RBFOX1: variants seen among roughly 807,000 people sequenced by gnomAD.
RBFOX1 encodes RNA binding fox-1 homolog 1, also known as RNA binding protein fox-1 homolog 1.
RBFOX1 carries 8 observed loss-of-function variants against 57.7 expected under a neutral mutation model. The ratio of observed to expected loss-of-function variants is 0.14; its 90% CI spans 0.08 to 0.25. The LOEUF is 0.25. Ranked by LOEUF, RBFOX1 falls within the 10% of genes least tolerant of loss-of-function variation. RBFOX1 has a pLI of 1.00. For synonymous variants in RBFOX1, 326 were observed against 222.4 expected (o/e 1.47, Z -4.15); for missense variants, 611 against 548.5 (o/e 1.11, Z -1.14).
intron 2 of RBFOX1, among the ~76,000 whole-genome samples, chr16:6,617,048 C>G (rs1404575339): frequency 6.6e-6 from 1 of 152,138 alleles, no homozygotes; most frequent in Non-Finnish European, 1.5e-5. Context: ...TACCGGTATA[C>G]AGTGTTGATC....
At chr16:5,498,237 C>G (rs753798022) in intron 2 of RBFOX1, among the ~76,000 whole-genome samples, 7 of 152,144 alleles carry the variant, frequency 4.6e-5, no homozygotes, top group African/African-American at 7.2e-5. Flanking sequence ...CTGCTTCCCA[C>G]GTTCAAGCAG....
chr16:6,500,875 A>AGTTTTTTTTTTGTTTGTTT (rs1567459109), intron 2 of RBFOX1, among the ~76,000 whole-genome samples: 2 of 21,624 alleles, frequency 9.2e-5, no homozygotes, highest in African/African-American at 1.7e-4. Flanking sequence ...CTTGGGGAGT[A>AGTTTTTTTTTTGTTTGTTT]GTTTTTTTTT....
intron 3 of RBFOX1, among the ~76,000 whole-genome samples, chr16:5,748,446 G>T (rs767619163): frequency 1.3e-5 from 2 of 152,142 alleles, no homozygotes; most frequent in Non-Finnish European, 2.9e-5. Context: ...CTTTCGTCTC[G>T]TGGATCTGTC....
At chr16:6,953,672 C>T (rs1056135694) in intron 3 of RBFOX1, among the ~76,000 whole-genome samples, 9 of 152,152 alleles carry the variant, frequency 5.9e-5, no homozygotes, top group African/African-American at 1.9e-4. Context: ...TGGGCATGAG[C>T]CACAGTGCCC....
At chr16:7,555,563 G>A (rs1162424544) in intron 5 of RBFOX1, among the ~76,000 whole-genome samples, 1 of 152,146 alleles carries the variant, frequency 6.6e-6, no homozygotes, top group African/African-American at 2.4e-5. Context: ...AAAGTTCTTA[G>A]AGCAGACTAC....
At chr16:5,493,397 A>T in intron 2 of RBFOX1, among the ~76,000 whole-genome samples, 1 of 151,824 alleles carries the variant, frequency 6.6e-6, no homozygotes, top group Non-Finnish European at 1.5e-5. Flanking sequence ...AACCCTCCGC[A>T]CCCTCTGTGT....
chr16:7,006,204 G>C lies in RBFOX1; in HGVS notation c.-15-45853G>C, dbSNP rs146175265. On this transcript the variant is annotated intron_variant, in intron 3 of 15. Coordinates refer to ENST00000550418, the MANE Select transcript of RBFOX1 (RefSeq NM_018723.4). ...TCTCACTCTGTTTGTTGCCAGGCTGGAGTGCAGTGGCACGATCTCGGTTCA... is the reference window on the plus strand; with the variant it reads ...TCTCACTCTGTTTGTTGCCAGGCTGCAGTGCAGTGGCACGATCTCGGTTCA... Among the ~76,000 whole-genome samples the C allele has an allele frequency of 4.6e-4, 70 of 152,106 alleles. No individual in the cohort carries two copies. In the South Asian group the frequency reaches 5.2e-3, roughly 11 times the overall value.
chr16:7,148,047 T>C (rs1242093685), intron 4 of RBFOX1, among the ~76,000 whole-genome samples: 1 of 152,106 alleles, frequency 6.6e-6, no homozygotes, highest in Non-Finnish European at 1.5e-5. Context: ...AATGAAAAAC[T>C]TTCTCTTTAG....
chr16:7,275,283 A>T (rs1315531160), intron 4 of RBFOX1, among the ~76,000 whole-genome samples: 1 of 152,226 alleles, frequency 6.6e-6, no homozygotes, highest in Non-Finnish European at 1.5e-5. Flanking sequence ...TAGATATTCC[A>T]TGAAAACTTG....
At chr16:5,792,973 A>G (rs181488531) in intron 3 of RBFOX1, among the ~76,000 whole-genome samples, 2 of 152,344 alleles carry the variant, frequency 1.3e-5, no homozygotes, top group Admixed American at 1.3e-4. Context: ...GAAAGGGTTT[A>G]TCTTGCTGTC....
chr16:6,574,269 C>T (rs897493051), intron 2 of RBFOX1, among the ~76,000 whole-genome samples: 6 of 151,962 alleles, frequency 3.9e-5, no homozygotes, highest in Non-Finnish European at 8.8e-5. Context: ...ACACGTTGTT[C>T]ATGTCAGCTG....
At chr16:6,707,287 G>A (rs2062918629) in intron 3 of RBFOX1, among the ~76,000 whole-genome samples, 2 of 152,156 alleles carry the variant, frequency 1.3e-5, no homozygotes. Flanking sequence ...TGTTCTGAAA[G>A]TGAGGCTGAG....
At chr16:5,670,549 T>G (rs536756454) in intron 3 of RBFOX1, among the ~76,000 whole-genome samples, 1 of 152,332 alleles carries the variant, frequency 6.6e-6, no homozygotes, top group Non-Finnish European at 1.5e-5. Flanking sequence ...TTTCCAAGTT[T>G]CTGCACTGTG....
chr16:7,430,387 C>T lies in RBFOX1; in HGVS notation c.28-87760C>T, dbSNP rs374629969. On this transcript the variant is annotated intron_variant, in intron 4 of 15. Coordinates refer to ENST00000550418, the MANE Select transcript of RBFOX1 (RefSeq NM_018723.4). Reference sequence around the variant, plus strand: ...AAAAATGGTACCCACCTAGGCTGGGCGCAGTGGCTCATGCCTGTAATCCCA... The same window carrying T: ...AAAAATGGTACCCACCTAGGCTGGGTGCAGTGGCTCATGCCTGTAATCCCA... 1.9e-4 allele frequency among the ~76,000 whole-genome samples: 29 copies of T among 152,246 alleles called. 1 individual carries two copies. The highest frequency in any genetic ancestry group is 9.7e-4 in the East Asian group (5 of 5,168).
rs191026750 is a variant in RBFOX1, at chr16:6,958,853, G to A, written c.-15-93204G>A. Among the ~76,000 whole-genome samples, 184 of 152,102 alleles carry A rather than the reference G, an allele frequency of 1.2e-3. 1 individual carries two copies. The highest frequency in any genetic ancestry group is 4.0e-3 in the African/African-American group (164 of 41,504). ...GCCCGGCATTGCTGATTTTCAAGGA[G>A]GTATCTTTTATTACCTTTTTTTGAG... On this transcript the variant is annotated intron_variant, in intron 3 of 15. Coordinates refer to ENST00000550418, the MANE Select transcript of RBFOX1 (RefSeq NM_018723.4).
At chr16:7,169,285 C>G (rs897620155) in intron 4 of RBFOX1, among the ~76,000 whole-genome samples, 6 of 152,164 alleles carry the variant, frequency 3.9e-5, no homozygotes, top group Admixed American at 1.3e-4. Context: ...TTTTGAGTTT[C>G]TATGAGATAC....
intron 3 of RBFOX1, among the ~76,000 whole-genome samples, chr16:6,794,319 A>T (rs373176795): frequency 4.3e-5 from 6 of 141,150 alleles, no homozygotes; most frequent in South Asian, 2.2e-4. Flanking sequence ...AGGCATTCCA[A>T]TCGGGCTAAT....
intron 3 of RBFOX1, among the ~76,000 whole-genome samples, chr16:6,794,944 G>C (rs1164401762): frequency 1.3e-5 from 2 of 152,032 alleles, no homozygotes; most frequent in Non-Finnish European, 1.5e-5. Context: ...CTCAAATATT[G>C]AGTAATTTTC....
At chr16:6,824,295 C>T (rs1052173176) in intron 3 of RBFOX1, among the ~76,000 whole-genome samples, 3 of 152,120 alleles carry the variant, frequency 2.0e-5, no homozygotes, top group African/African-American at 7.2e-5. Context: ...ATCCCGGCTA[C>T]TCATGGAGGC....
Sources: gnomAD v4.1 joint callset for allele counts (sites outside exome capture counted in the v4.1 genomes callset) on GRCh38, gnomAD v4.1.1 for gene constraint, MANE v1.5 for transcripts, NCBI Gene and HGNC (gene_info 2026-07-23, HGNC 2026-07-21) for gene names.